MAP4K3: variants seen among roughly 807,000 people sequenced by gnomAD.
The protein encoded by MAP4K3 is mitogen-activated protein kinase kinase kinase kinase 3.
A neutral mutation model predicts 143.5 loss-of-function variants in MAP4K3; 94 were observed. That is an observed-to-expected ratio of 0.65 (90% confidence interval 0.55 to 0.78). The LOEUF is 0.78. Ranked by LOEUF, MAP4K3 falls within the 30% of genes least tolerant of loss-of-function variation. The pLI, the probability that MAP4K3 is intolerant of heterozygous loss-of-function variation, is 0.00. For missense variants in MAP4K3, 1,077 were observed against 1,068.1 expected (o/e 1.01, Z -0.12); for synonymous variants, 416 against 347.2 (o/e 1.20, Z -2.20).
chr2:39,398,281 A>T (rs942647022), intron 1 of MAP4K3, among the ~76,000 whole-genome samples: 2 of 152,134 alleles, frequency 1.3e-5, no homozygotes, highest in Non-Finnish European at 1.5e-5. Flanking sequence ...CCAACAAACG[A>T]ATACTATATA....
intron 1 of MAP4K3, among the ~76,000 whole-genome samples, chr2:39,396,900 T>C (rs1666824014): frequency 6.6e-6 from 1 of 152,194 alleles, no homozygotes; most frequent in Non-Finnish European, 1.5e-5. Context: ...GGTAAATACA[T>C]CTCAATTTAA....
At chr2:39,261,921 A>G (rs370786456) in intron 28 of MAP4K3, among the ~76,000 whole-genome samples, 4 of 152,246 alleles carry the variant, frequency 2.6e-5, no homozygotes, top group Admixed American at 6.5e-5. Context: ...AGAACTTTCT[A>G]GGTTTCCTTT....
chr2:39,363,992 T>TAAAAAAAAAA (rs70957104), intron 2 of MAP4K3, among the ~76,000 whole-genome samples: 4 of 129,136 alleles, frequency 3.1e-5, no homozygotes, highest in Admixed American at 7.7e-5. Context: ...ATAGCCATTA[T>TAAAAAAAAAA]AAAAAAAAAA....
chr2:39,304,172 C>T (rs1573121800), intron 15 of MAP4K3, among the ~76,000 whole-genome samples: 3 of 147,708 alleles, frequency 2.0e-5, no homozygotes, highest in Admixed American at 1.4e-4. Context: ...TTTGAGAGAG[C>T]ACTTTTGGAT....
chr2:39,258,694 G>A, intron 29 of MAP4K3, 107 bp from the exon 30 acceptor site: 3 of 829,204 alleles, frequency 3.6e-6, no homozygotes, highest in Non-Finnish European at 4.1e-6. Context: ...AAACGGATAT[G>A]TCTTCTGTAA....
intron 1 of MAP4K3, among the ~76,000 whole-genome samples, chr2:39,424,502 A>G (rs937513605): frequency 3.9e-5 from 6 of 152,024 alleles, no homozygotes; most frequent in Admixed American, 2.0e-4. Context: ...TCTGGAAGGG[A>G]CTGTGCCTTC....
At chr2:39,371,245 G>A (rs1453656091) in intron 2 of MAP4K3, among the ~76,000 whole-genome samples, 1 of 152,196 alleles carries the variant, frequency 6.6e-6, no homozygotes. Context: ...ATGAAGTGGT[G>A]TTTTGATAGG....
intron 4 of MAP4K3, among the ~76,000 whole-genome samples, chr2:39,340,871 T>C (rs939187495): frequency 1.3e-5 from 2 of 152,116 alleles, no homozygotes; most frequent in African/African-American, 4.8e-5. Flanking sequence ...AACTGGAAGA[T>C]AGATATGAGT....
At chr2:39,402,716 T>A (rs1436296132) in intron 1 of MAP4K3, among the ~76,000 whole-genome samples, 1 of 151,532 alleles carries the variant, frequency 6.6e-6, no homozygotes, top group Admixed American at 6.6e-5. Flanking sequence ...ATTGGGTCTT[T>A]GAGAAAAATC....
intron 12 of MAP4K3, among the ~76,000 whole-genome samples, chr2:39,319,506 C>T (rs1683233062): frequency 6.6e-6 from 1 of 152,096 alleles, no homozygotes; most frequent in Admixed American, 6.6e-5. Flanking sequence ...GTTTGGTATA[C>T]TTGAGAGTCC....
chr2:39,333,127 A>G (rs1683732786), intron 7 of MAP4K3, among the ~76,000 whole-genome samples: 1 of 152,160 alleles, frequency 6.6e-6, no homozygotes, highest in African/African-American at 2.4e-5. Flanking sequence ...TACATTCTTA[A>G]GTAAGTAATG....
chr2:39,280,192 A>G, intron 23 of MAP4K3, 80 bp downstream of exon 23: 2 of 843,444 alleles, frequency 2.4e-6, no homozygotes, highest in East Asian at 5.4e-5. Flanking sequence ...ATACTCAGAA[A>G]ATAAACAAAA....
At chr2:39,330,695 T>A (rs551853015) in intron 8 of MAP4K3, among the ~76,000 whole-genome samples, 1 of 152,100 alleles carries the variant, frequency 6.6e-6, no homozygotes, top group Admixed American at 6.6e-5. Flanking sequence ...CACTGACAGA[T>A]AATGTGACAG....
intron 1 of MAP4K3, among the ~76,000 whole-genome samples, chr2:39,429,064 CAAAAA>C (rs34783806): frequency 3.3e-5 from 2 of 60,098 alleles, no homozygotes; most frequent in Non-Finnish European, 5.5e-5. Flanking sequence ...GACTCCGTCT[CAAAAA>C]AAAAAAAAAA....
At position 39,315,378 on chromosome 2, in the gene MAP4K3, GCAA is replaced by G. The variant is rs745828398; in HGVS notation, c.926_928del (p.Val309del). 21 of 1,609,352 alleles carry G rather than the reference GCAA, an allele frequency of 1.3e-5. No individual in the cohort carries two copies. The South Asian group carries it at 1.9e-4, about 14-fold the overall frequency. ...TGTTGAGTGAATTCTATGTGGTACA[GCAA>G]CAAGAGGCTAGAAAAGAACAAAATC... is the stretch of plus-strand genomic sequence containing the variant. On this transcript the variant is annotated inframe_deletion, in exon 13 of 34. Transcript: ENST00000263881.
intron 2 of MAP4K3, among the ~76,000 whole-genome samples, chr2:39,370,996 G>C (rs530647757): frequency 6.6e-6 from 1 of 152,198 alleles, no homozygotes; most frequent in African/African-American, 2.4e-5. Flanking sequence ...CTCTGCCATA[G>C]CTCTCATCTT....
At chr2:39,317,250 C>T (rs1474263138) in intron 12 of MAP4K3, among the ~76,000 whole-genome samples, 2 of 152,026 alleles carry the variant, frequency 1.3e-5, no homozygotes, top group East Asian at 3.8e-4. Context: ...ACACAATATA[C>T]AAAAATCAAC....
intron 1 of MAP4K3, among the ~76,000 whole-genome samples, chr2:39,430,403 A>C (rs996024093): frequency 2.0e-5 from 3 of 152,190 alleles, no homozygotes; most frequent in Admixed American, 2.0e-4. Context: ...CCAAACCTAT[A>C]ATCAGGTCAA....
chr2:39,320,271 A>T (rs1421099052), intron 12 of MAP4K3, among the ~76,000 whole-genome samples: 3 of 152,226 alleles, frequency 2.0e-5, no homozygotes, highest in Non-Finnish European at 4.4e-5. Context: ...ACTGCAATTT[A>T]AAAAATCTGC....
Sources: gnomAD v4.1 joint callset for allele counts (sites outside exome capture counted in the v4.1 genomes callset) on GRCh38, gnomAD v4.1.1 for gene constraint, MANE v1.5 for transcripts, NCBI Gene and HGNC (gene_info 2026-07-23, HGNC 2026-07-21) for gene names.